Variants in EXD1 observed in about 807,000 individuals in gnomAD.
The protein encoded by EXD1 is piRNA biogenesis protein EXD1.
Under a neutral mutation model 49.1 loss-of-function variants are expected in EXD1, and 63 were observed. The observed-to-expected ratio is 1.28, with a 90% CI of 1.05 to 1.58. The LOEUF is 1.58. Among genes scored for constraint, EXD1 ranks in the 40% most tolerant of loss-of-function variants. The pLI is 0.00. For synonymous variants in EXD1, 234 were observed against 239.2 expected (o/e 0.98, Z 0.20); for missense variants, 748 against 666.0 (o/e 1.12, Z -1.36).
Position 41,217,110 on chromosome 15 carries a change from CT to C in EXD1, c.246del (p.Ala83HisfsTer16). 1 of 1,612,260 alleles carries C rather than the reference CT, an allele frequency of 6.2e-7. No homozygotes were observed. ...DEVEQGSVRA[K>X]ASSVSLHAER... Reference sequence around the variant, plus strand: ...ATTCCTTCTTACCTAACAGAAGATGCTTTTGCTCTCACTGAGCCTTGTTCCA... The same window carrying C: ...ATTCCTTCTTACCTAACAGAAGATGCTTTGCTCTCACTGAGCCTTGTTCCA... On this transcript the variant is annotated frameshift_variant, in exon 4 of 12. Transcript: ENST00000458580. LOFTEE classifies it high-confidence loss of function.
chr15:41,230,714 G>T lies in EXD1; in HGVS notation c.-289C>A. 1 of 675,548 alleles carries T rather than the reference G, an allele frequency of 1.5e-6. No homozygotes were observed. The highest frequency in any genetic ancestry group is 2.4e-6 in the Non-Finnish European group (1 of 411,470). 41.8% of individuals were successfully genotyped at this position (675,548 alleles called of 1,614,324 possible). ...AAGGTCCGCGACGCCGGGGACACACGCCGCAGAGGCGACGCCCGCCCGGCC... is the reference window on the plus strand; with the variant it reads ...AAGGTCCGCGACGCCGGGGACACACTCCGCAGAGGCGACGCCCGCCCGGCC... On this transcript the variant is annotated 5_prime_UTR_variant, in exon 1 of 12. Coordinates refer to ENST00000458580, the MANE Select transcript of EXD1 (RefSeq NM_001286441.2).
intron 11 of EXD1, 25 bp downstream of exon 11, chr15:41,189,912 C>T: frequency 6.2e-7 from 1 of 1,608,222 alleles, no homozygotes; most frequent in Non-Finnish European, 8.5e-7. Context: ...GAAAGGAGGT[C>T]CTGAAGACAG....
chr15:41,208,418 T>G (rs952184199), intron 7 of EXD1, among the ~76,000 whole-genome samples: 6 of 143,386 alleles, frequency 4.2e-5, no homozygotes, highest in Admixed American at 7.1e-5. Context: ...ACCCAAAAGC[T>G]ATCCATCCTC....
chr15:41,190,898 G>GTTTA (rs67997140), intron 10 of EXD1, among the ~76,000 whole-genome samples: 10 of 151,216 alleles, frequency 6.6e-5, no homozygotes, highest in African/African-American at 2.2e-4. Flanking sequence ...GTGCTTATTT[G>GTTTA]TTTATTTATT....
chr15:41,183,254 C>CACTCCAGCCTGGGTGACAGAGTGAG lies in EXD1; in HGVS notation c.*652_*676dup, dbSNP rs2046350150. On this transcript the variant is annotated 3_prime_UTR_variant, in exon 12 of 12. Coordinates refer to ENST00000458580, the MANE Select transcript of EXD1 (RefSeq NM_001286441.2). ...GCAGTGAGCAGAGATTACACCACTACACTCCAGCCTGGGTGACAGAGTGAG... is the reference window on the plus strand; with the variant it reads ...GCAGTGAGCAGAGATTACACCACTACACTCCAGCCTGGGTGACAGAGTGAGACTCCAGCCTGGGTGACAGAGTGAG... 6.6e-6 allele frequency: 1 copy of CACTCCAGCCTGGGTGACAGAGTGAG among 152,238 alleles called. No individual in the cohort carries two copies. Among genetic ancestry groups the CACTCCAGCCTGGGTGACAGAGTGAG allele is most frequent in the Admixed American group, 6.5e-5 (1 of 15,276 alleles). 9.4% of individuals were successfully genotyped at this position (152,238 alleles called of 1,614,324 possible).
chr15:41,190,287 A>T (rs1378052509), intron 10 of EXD1, 159 bp from the exon 11 acceptor site: 2 of 674,902 alleles, frequency 3.0e-6, no homozygotes, highest in African/African-American at 3.6e-5. Context: ...ATCCTGGCCA[A>T]CAAGGTGAAA....
At chr15:41,194,297 C>T (rs1474805158) in intron 9 of EXD1, among the ~76,000 whole-genome samples, 2 of 152,072 alleles carry the variant, frequency 1.3e-5, no homozygotes, top group African/African-American at 4.8e-5. Flanking sequence ...AGGTGTGAGC[C>T]ACCGTGCCGG....
chr15:41,220,169 G>A (rs924035814), intron 2 of EXD1, among the ~76,000 whole-genome samples: 1 of 151,916 alleles, frequency 6.6e-6, no homozygotes, highest in Non-Finnish European at 1.5e-5. Flanking sequence ...AAATTCTCCT[G>A]AGAATATTCT....
rs146270189 is a variant in EXD1 at position 41,218,684 on chromosome 15, C to A, written c.202+1146G>T. On this transcript the variant is annotated intron_variant, in intron 3 of 11. Coordinates refer to ENST00000458580, the MANE Select transcript of EXD1 (RefSeq NM_001286441.2). ...CTTTCTCCAATCCAGAGCTCTGTTT[C>A]ACTTCAAAGGCTGATAGTGAAAACA... Among the ~76,000 whole-genome samples, 3 of 152,018 alleles carry A rather than the reference C, an allele frequency of 2.0e-5. No homozygotes were observed. In the East Asian group the frequency reaches 5.8e-4, roughly 29 times the overall value.
intron 2 of EXD1, among the ~76,000 whole-genome samples, chr15:41,223,163 C>G (rs2047115134): frequency 6.6e-6 from 1 of 151,964 alleles, no homozygotes; most frequent in African/African-American, 2.4e-5. Context: ...GCTCACACTT[C>G]TAATTCCAGC....
chr15:41,230,386 C>T, intron 1 of EXD1, 93 bp downstream of exon 1: 1 of 1,418,342 alleles, frequency 7.1e-7, no homozygotes, highest in East Asian at 2.3e-5. Flanking sequence ...CCAGGCCTAC[C>T]TTTTTAATCA....
At chr15:41,197,054 G>C (rs1403188075) in intron 7 of EXD1, among the ~76,000 whole-genome samples, 1 of 151,816 alleles carries the variant, frequency 6.6e-6, no homozygotes, top group African/African-American at 2.4e-5. Context: ...CAAACTCCTA[G>C]GCTAAAGCAA....
At chr15:41,205,197 A>G (rs921277397) in intron 7 of EXD1, among the ~76,000 whole-genome samples, 3 of 152,176 alleles carry the variant, frequency 2.0e-5, no homozygotes, top group African/African-American at 7.2e-5. Context: ...TACAGAAGGC[A>G]AAGGGAAAAT....
chr15:41,211,423 C>T (rs887570124), intron 6 of EXD1, among the ~76,000 whole-genome samples: 2 of 151,970 alleles, frequency 1.3e-5, no homozygotes, highest in Admixed American at 1.3e-4. Context: ...AAGTTCTTAC[C>T]CTCATTTTTT....
intron 9 of EXD1, among the ~76,000 whole-genome samples, chr15:41,193,758 T>A (rs1307478869): frequency 6.7e-6 from 1 of 148,468 alleles, no homozygotes; most frequent in Non-Finnish European, 1.5e-5. Context: ...AAAAAAAAAA[T>A]TACTTTTATT....
chr15:41,210,987 C>G (rs979122134), intron 6 of EXD1, among the ~76,000 whole-genome samples: 1 of 152,190 alleles, frequency 6.6e-6, no homozygotes, highest in Non-Finnish European at 1.5e-5. Context: ...GCAGAACCGG[C>G]AACAAAAGCT....
chr15:41,207,512 C>T (rs1400793608), intron 7 of EXD1, among the ~76,000 whole-genome samples: 1 of 151,700 alleles, frequency 6.6e-6, no homozygotes, highest in African/African-American at 2.4e-5. Context: ...TACACTCCAG[C>T]CTCCAGGCGA....
At chr15:41,212,574 T>C (rs1049734658) in intron 6 of EXD1, among the ~76,000 whole-genome samples, 1 of 152,202 alleles carries the variant, frequency 6.6e-6, no homozygotes, top group Non-Finnish European at 1.5e-5. Flanking sequence ...CCATATGATC[T>C]AGCAATTTCA....
At chr15:41,193,366 G>A (rs902200372) in intron 9 of EXD1, among the ~76,000 whole-genome samples, 6 of 152,104 alleles carry the variant, frequency 3.9e-5, no homozygotes, top group East Asian at 1.9e-4. Context: ...CCAGCTAGTC[G>A]GGAGCTGAAC....
Sources: allele counts gnomAD v4.1 joint callset (sites outside exome capture counted in the v4.1 genomes callset), GRCh38; gene constraint gnomAD v4.1.1; transcripts MANE v1.5; gene names NCBI Gene and HGNC (gene_info 2026-07-23, HGNC 2026-07-21).